Variants in ANKRD27 observed in about 807,000 individuals in gnomAD.
ANKRD27 encodes ankyrin repeat domain 27, also known as ankyrin repeat domain-containing protein 27.
A neutral mutation model predicts 129.7 loss-of-function variants in ANKRD27; 112 were observed. That is an observed-to-expected ratio of 0.86 (90% CI 0.74 to 1.01). ANKRD27 has a LOEUF of 1.01. ANKRD27 is among the 50% of genes least tolerant of loss of function. The pLI is 0.00. For synonymous variants in ANKRD27, 516 were observed against 511.2 expected (o/e 1.01, Z -0.13); for missense variants, 1,258 against 1,300.5 (o/e 0.97, Z 0.50).
At chr19:32,671,078 T>C (rs1212288878) in intron 1 of ANKRD27, among the ~76,000 whole-genome samples, 1 of 151,842 alleles carries the variant, frequency 6.6e-6, no homozygotes. Flanking sequence ...GACAGATGAT[T>C]GAGCCCAGGA....
Position 32,619,512 on chromosome 19 carries a change from C to G in ANKRD27, c.1869G>C (p.Arg623Ser), listed in dbSNP as rs778120571. Residue 623 changes from arginine to serine, a missense_variant, in exon 19 of 29, where the codon AGG becomes AGC. Physicochemically the swap from Arg to Ser is moderately radical, Grantham distance 110 (BLOSUM62 -1). Transcript: ENST00000306065. ...GACTTACCTCGGACGACTTCTGCCT[C>G]CTCTCGAAGGACAGGTGATAGGCTT... ...VMEAYHLSFE[R>S]RQKSSEAPVQ... is the part of the protein sequence containing the mutation. The G allele has an allele frequency of 3.7e-6, 6 of 1,614,028 alleles. No individual in the cohort carries two copies. In the African/African-American group the frequency reaches 4.0e-5, roughly 11 times the overall value.
intron 23 of ANKRD27, among the ~76,000 whole-genome samples, chr19:32,606,988 AG>A (rs1210969813): frequency 7.2e-6 from 1 of 139,676 alleles, no homozygotes; most frequent in Non-Finnish European, 1.5e-5. Context: ...AAATTTATCT[AG>A]GTGTGGTGGT....
intron 23 of ANKRD27, 98 bp downstream of exon 23, chr19:32,607,531 GTCCTCC>G: frequency 7.4e-7 from 1 of 1,356,510 alleles, no homozygotes; most frequent in South Asian, 1.3e-5. Flanking sequence ...GGGGAGCAGT[GTCCTCC>G]AGGGTAGCCA....
At chr19:32,614,808 C>T (rs545067523) in intron 22 of ANKRD27, among the ~76,000 whole-genome samples, 1 of 152,246 alleles carries the variant, frequency 6.6e-6, no homozygotes, top group South Asian at 2.1e-4. Flanking sequence ...TACAGAACTA[C>T]ATACACACAC....
In ANKRD27 at chr19:32,598,102, A is replaced by G. The variant is rs1336253249; in HGVS notation, c.*43T>C. 1 of 1,570,328 alleles carries G rather than the reference A, an allele frequency of 6.4e-7. No individual in the cohort carries two copies. The highest frequency in any genetic ancestry group is 8.8e-7 in the Non-Finnish European group (1 of 1,141,034). ...TTCACGCTCAGCATCATCTTGTTGC[A>G]TCCTTGCTTCCTAGCAGTGGGTTCA... On this transcript the variant is annotated 3_prime_UTR_variant, in exon 29 of 29. Coordinates refer to ENST00000306065, the MANE Select transcript of ANKRD27 (RefSeq NM_032139.3).
At chr19:32,665,489 T>C (rs1967735596) in intron 1 of ANKRD27, among the ~76,000 whole-genome samples, 1 of 151,576 alleles carries the variant, frequency 6.6e-6, no homozygotes, top group Non-Finnish European at 1.5e-5. Flanking sequence ...AGACAGAGTC[T>C]TGCTCTGTCA....
intron 13 of ANKRD27, 25 bp from the exon 14 acceptor site, chr19:32,628,874 A>G: frequency 6.2e-7 from 1 of 1,612,726 alleles, no homozygotes; most frequent in Non-Finnish European, 8.5e-7. Flanking sequence ...CCAAGATGCT[A>G]TCCACATGCT....
Position 32,631,456 on chromosome 19 carries a change from C to T in ANKRD27, c.1155G>A (p.Gln385=), listed in dbSNP as rs1966990579. The T allele has an allele frequency of 6.2e-7, 1 of 1,614,192 alleles. No individual in the cohort carries two copies. The highest frequency in any genetic ancestry group is 8.5e-7 in the Non-Finnish European group (1 of 1,180,034). The change falls in exon 13 of 29, where the codon CAG becomes CAA. Residue 385 remains glutamine, a synonymous_variant. Coordinates refer to ENST00000306065, the MANE Select transcript of ANKRD27 (RefSeq NM_032139.3). ...EGFGDRLFLK[Q]RMSLLSQMTS... The stretch of plus-strand genomic sequence containing the variant: ...TCATCTGAGAGAGTAAGCTCATTCT[C>T]TGCTTAAGGAACAGCCTGTCTCCAA...
Position 32,628,875 on chromosome 19 carries a change from T to C in ANKRD27, c.1210-26A>G, listed in dbSNP as rs376956389. 2.4e-5 allele frequency: 39 copies of C among 1,612,480 alleles called. No individual in the cohort carries two copies. In the African/African-American group the frequency reaches 4.8e-4, roughly 20 times the overall value. ...CTGAAAAGTGACATCCAAGATGCTA[T>C]CCACATGCTGGAATTACTCAATTAT... is the stretch of plus-strand genomic sequence containing the variant. On this transcript the variant is annotated intron_variant, in intron 13 of 28. Coordinates refer to ENST00000306065, the MANE Select transcript of ANKRD27 (RefSeq NM_032139.3).
At chr19:32,638,392 T>C (rs1267414622) in intron 12 of ANKRD27, 1 of 152,216 alleles carries the variant, frequency 6.6e-6, no homozygotes, top group Non-Finnish European at 1.5e-5. Flanking sequence ...TATTCTGCCG[T>C]TCAGTAAAGC....
chr19:32,649,373 C>T (rs897229812), intron 3 of ANKRD27, among the ~76,000 whole-genome samples: 1 of 152,178 alleles, frequency 6.6e-6, no homozygotes, highest in Non-Finnish European at 1.5e-5. Context: ...AAACAACTTC[C>T]TTTGGCTCGG....
chr19:32,607,957 T>C, intron 22 of ANKRD27, 125 bp from the exon 23 acceptor site: 1 of 1,010,218 alleles, frequency 9.9e-7, no homozygotes, highest in Non-Finnish European at 1.5e-6. Flanking sequence ...GGATCCAGGA[T>C]GGATTCCAAT....
chr19:32,666,685 C>T (rs1483214897), intron 1 of ANKRD27, among the ~76,000 whole-genome samples: 7 of 147,246 alleles, frequency 4.8e-5, no homozygotes, highest in Admixed American at 7.0e-5. Flanking sequence ...CACTCTGTTG[C>T]CCAGGCTGGA....
intron 21 of ANKRD27, among the ~76,000 whole-genome samples, chr19:32,616,290 C>T (rs1243054426): frequency 3.3e-5 from 5 of 152,118 alleles, no homozygotes; most frequent in African/African-American, 1.2e-4. Context: ...TGGTGGCTCA[C>T]GCCTGTAATC....
At chr19:32,652,928 A>AAAAG (rs1440026576) in intron 2 of ANKRD27, among the ~76,000 whole-genome samples, 2 of 152,160 alleles carry the variant, frequency 1.3e-5, no homozygotes, top group African/African-American at 4.8e-5. Context: ...ACCCCATTTC[A>AAAAG]AAAGAAAGAA....
At chr19:32,607,912 C>A in intron 22 of ANKRD27, 80 bp from the exon 23 acceptor site, 1 of 1,322,354 alleles carries the variant, frequency 7.6e-7, no homozygotes. Flanking sequence ...CCATGTGCCC[C>A]CCACAGCTCC....
At chr19:32,623,850 C>T (rs1972050338) in intron 17 of ANKRD27, among the ~76,000 whole-genome samples, 1 of 152,064 alleles carries the variant, frequency 6.6e-6, no homozygotes, top group South Asian at 2.1e-4. Context: ...TGTGCCCAGC[C>T]GAGAGAGACT....
intron 13 of ANKRD27, among the ~76,000 whole-genome samples, chr19:32,630,844 C>G (rs1284795837): frequency 2.6e-5 from 4 of 152,144 alleles, no homozygotes; most frequent in African/African-American, 4.8e-5. Context: ...GTTACCCAGG[C>G]TGGTCTCGGG....
intron 22 of ANKRD27, 100 bp from the exon 23 acceptor site, chr19:32,607,932 TGCGGGATCATG>T (rs1204156084): frequency 8.4e-7 from 1 of 1,194,136 alleles, no homozygotes; most frequent in Non-Finnish European, 1.2e-6. Flanking sequence ...CCACACACAA[TGCGGGATCATG>T]GCGGGATCCA....
Sources: allele counts gnomAD v4.1 joint callset (sites outside exome capture counted in the v4.1 genomes callset), GRCh38; gene constraint gnomAD v4.1.1; transcripts MANE v1.5; gene names NCBI Gene and HGNC (gene_info 2026-07-23, HGNC 2026-07-21).